WWOX: variants seen among roughly 807,000 people sequenced by gnomAD.
WWOX encodes WW domain containing oxidoreductase, also known as WW domain-containing oxidoreductase.
WWOX carries 69 observed loss-of-function variants against 46.2 expected under a neutral mutation model. The ratio of observed to expected loss-of-function variants is 1.49; its 90% confidence interval spans 1.23 to 1.82. WWOX has a LOEUF of 1.82. Among genes scored for constraint, WWOX ranks in the 40% most tolerant of loss-of-function variants. The pLI is 0.00. For missense variants in WWOX, 919 were observed against 542.6 expected, an observed-to-expected ratio of 1.69 and a Z score of -6.89; for synonymous variants, 359 against 202.6, an observed-to-expected ratio of 1.77 and a Z score of -6.56.
chr16:78,254,573 T>A (rs1240900336), intron 5 of WWOX, among the ~76,000 whole-genome samples: 3 of 131,448 alleles, frequency 2.3e-5, no homozygotes, highest in African/African-American at 3.0e-5. Flanking sequence ...TGGAGCAATC[T>A]CAGCTCACTG....
intron 8 of WWOX, among the ~76,000 whole-genome samples, chr16:78,826,391 C>G (rs548722980): frequency 1.3e-5 from 2 of 152,298 alleles, no homozygotes; most frequent in South Asian, 4.1e-4. Flanking sequence ...TTCTGGAGGC[C>G]AGACATTCAG....
chr16:78,593,739 AGAG>A (rs1567667224), intron 8 of WWOX, among the ~76,000 whole-genome samples: 9 of 3,464 alleles, frequency 2.6e-3, no homozygotes, highest in African/African-American at 3.5e-3. Context: ...AAAAAAAAAG[AGAG>A]AGAGAGAGAG....
chr16:78,950,866 A>G (rs1247573404), intron 8 of WWOX, among the ~76,000 whole-genome samples: 1 of 152,162 alleles, frequency 6.6e-6, no homozygotes, highest in African/African-American at 2.4e-5. Context: ...TCTTCTTATT[A>G]TAGTGCAAGG....
intron 1 of WWOX, among the ~76,000 whole-genome samples, chr16:78,108,169 G>C (rs1233854717): frequency 6.6e-6 from 1 of 150,866 alleles, no homozygotes; most frequent in African/African-American, 2.4e-5. Context: ...CTTGTGATCT[G>C]CTCCCCTAGG....
In WWOX at chr16:78,553,561, C is replaced by T. The variant is rs544132672; in HGVS notation, c.1056+120809C>T. Among the ~76,000 whole-genome samples the T allele has an allele frequency of 4.6e-5, 7 of 152,148 alleles. 1 individual carries two copies. Among genetic ancestry groups the T allele is most frequent in the South Asian group, 2.1e-4 (1 of 4,808 alleles). The stretch of plus-strand genomic sequence containing the variant: ...GAGCTGTCTACTATCTCTAAGAATC[C>T]GCTAGAGCCCTGTAAAGAAAGCCTA... On this transcript the variant is annotated intron_variant, in intron 8 of 8. Transcript: ENST00000566780.
intron 5 of WWOX, among the ~76,000 whole-genome samples, chr16:78,329,632 G>T (rs1044199755): frequency 6.6e-6 from 1 of 152,162 alleles, no homozygotes; most frequent in Non-Finnish European, 1.5e-5. Context: ...TCCTGCACAC[G>T]CTTAAGGGAA....
intron 5 of WWOX, among the ~76,000 whole-genome samples, chr16:78,221,716 C>T (rs927910680): frequency 6.6e-6 from 1 of 152,160 alleles, no homozygotes; most frequent in South Asian, 2.1e-4. Flanking sequence ...ATGTAATACA[C>T]AGATTGCCTT....
At chr16:78,503,346 C>G (rs1307655059) in intron 8 of WWOX, among the ~76,000 whole-genome samples, 2 of 152,030 alleles carry the variant, frequency 1.3e-5, no homozygotes, top group Non-Finnish European at 2.9e-5. Context: ...TCCAACTGTT[C>G]CACTTTTGTA....
chr16:78,240,700 C>CCGT (rs2037614120), intron 5 of WWOX, among the ~76,000 whole-genome samples: 1 of 152,162 alleles, frequency 6.6e-6, no homozygotes, highest in Non-Finnish European at 1.5e-5. Context: ...TCCAGAGCAG[C>CCGT]CGTCTCGTGT....
chr16:78,570,144 G>A (rs1034919564), intron 8 of WWOX, among the ~76,000 whole-genome samples: 2 of 152,156 alleles, frequency 1.3e-5, no homozygotes, highest in Non-Finnish European at 1.5e-5. Context: ...TTGTGGCCTT[G>A]TTTGCCTTTT....
At chr16:79,173,024 A>G (rs35506727) in intron 8 of WWOX, among the ~76,000 whole-genome samples, 13,970 of 152,210 alleles carry the variant, frequency 0.092, 832 homozygotes, top group African/African-American at 0.14. Flanking sequence ...CCATCTCTAA[A>G]TAAGTAAATA....
intron 8 of WWOX, among the ~76,000 whole-genome samples, chr16:79,207,256 T>C (rs925294687): frequency 6.6e-6 from 1 of 152,218 alleles, no homozygotes; most frequent in Non-Finnish European, 1.5e-5. Flanking sequence ...TGGCTTTGCA[T>C]TTGAGAAGTA....
intron 3 of WWOX, among the ~76,000 whole-genome samples, chr16:78,112,207 A>G (rs1487414481): frequency 6.6e-6 from 1 of 152,234 alleles, no homozygotes; most frequent in Non-Finnish European, 1.5e-5. Context: ...TCTGATTGCT[A>G]CATCATTTGG....
intron 5 of WWOX, among the ~76,000 whole-genome samples, chr16:78,222,871 G>C (rs997466588): frequency 1.3e-5 from 2 of 152,320 alleles, no homozygotes; most frequent in African/African-American, 4.8e-5. Flanking sequence ...CTTCCCGCTC[G>C]CTGTGGAGCG....
chr16:78,456,830 G>A (rs2083830078), intron 8 of WWOX, among the ~76,000 whole-genome samples: 1 of 152,208 alleles, frequency 6.6e-6, no homozygotes, highest in Admixed American at 6.5e-5. Context: ...AACAAACCAT[G>A]TTAACATGAT....
rs75050686 is a variant in WWOX, at chr16:79,055,009, C to G, written c.1057-156599C>G. ...CCACTGACTAATCAGGCTGATAAAA[C>G]AACCTGAAAATGGCTTTCCCATGGA... is the stretch of plus-strand genomic sequence containing the variant. On this transcript the variant is annotated intron_variant, in intron 8 of 8. Coordinates refer to ENST00000566780, the MANE Select transcript of WWOX (RefSeq NM_016373.4). Among the ~76,000 whole-genome samples the G allele has an allele frequency of 9.4e-3, 1,433 of 152,288 alleles. 22 individuals are homozygous for G. The highest frequency in any genetic ancestry group is 0.029 in the African/African-American group (1,220 of 41,546).
intron 8 of WWOX, among the ~76,000 whole-genome samples, chr16:79,141,765 G>A (rs766378448): frequency 6.6e-6 from 1 of 151,720 alleles, no homozygotes; most frequent in Non-Finnish European, 1.5e-5. Flanking sequence ...TGTCCATTAG[G>A]ATGACTCTCC....
At chr16:78,876,089 G>T (rs1010899193) in intron 8 of WWOX, among the ~76,000 whole-genome samples, 2 of 152,128 alleles carry the variant, frequency 1.3e-5, no homozygotes, top group Non-Finnish European at 2.9e-5. Flanking sequence ...TTTTTGTGCT[G>T]AGGAACTCTA....
chr16:78,622,201 A>G (rs1013494081), intron 8 of WWOX, among the ~76,000 whole-genome samples: 1 of 152,114 alleles, frequency 6.6e-6, no homozygotes, highest in Non-Finnish European at 1.5e-5. Context: ...TCCTGCACCA[A>G]GTTTCTAAGC....
Sources: gnomAD v4.1 joint callset for allele counts (sites outside exome capture counted in the v4.1 genomes callset) on GRCh38, gnomAD v4.1.1 for gene constraint, MANE v1.5 for transcripts, NCBI Gene and HGNC (gene_info 2026-07-23, HGNC 2026-07-21) for gene names.